LRRC74A: variants seen among roughly 807,000 people sequenced by gnomAD.
The protein encoded by LRRC74A is leucine rich repeat containing 74A.
LRRC74A carries 44 observed loss-of-function variants against 57.9 expected under a neutral mutation model. The observed-to-expected ratio is 0.76, with a 90% CI of 0.60 to 0.98. The LOEUF is 0.98. Among genes scored for constraint, LRRC74A ranks in the 50% least tolerant of loss-of-function variants. The pLI, the probability that LRRC74A is intolerant of heterozygous loss-of-function variation, is 0.00. For synonymous variants in LRRC74A, 211 were observed against 219.4 expected, an observed-to-expected ratio of 0.96 and a Z score of 0.34; for missense variants, 572 against 574.0, an observed-to-expected ratio of 1.00 and a Z score of 0.04.
In LRRC74A at chr14:76,844,885, C is replaced by T. The variant is rs1897017990; in HGVS notation, c.660C>T (p.His220=). ...AATTCTCTGATGTAGGAGGGGAGCA[C>T]CTGGGCCAGATGCTGGGTGAGTCTC... ...HNQFSDVGGE[H]LGQMLAINVG... Residue 220 remains histidine, a synonymous_variant, in exon 7 of 14, where the codon CAC becomes CAT. Transcript: ENST00000689127. The T allele has an allele frequency of 2.5e-6, 4 of 1,579,284 alleles. No individual in the cohort carries two copies. The highest frequency in any genetic ancestry group is 1.3e-5 in the African/African-American group (1 of 74,082).
At chr14:76,860,216 T>A (rs2140306424) in intron 10 of LRRC74A, among the ~76,000 whole-genome samples, 1 of 152,226 alleles carries the variant, frequency 6.6e-6, no homozygotes, top group African/African-American at 2.4e-5. Context: ...CAGGACACAT[T>A]TTCTCCCATG....
chr14:76,852,471 G>A (rs765259880), intron 8 of LRRC74A, 21 bp downstream of exon 8: 14 of 1,553,396 alleles, frequency 9.0e-6, no homozygotes, highest in Non-Finnish European at 1.2e-5. Context: ...CTCCAGGAGT[G>A]ATGTGTGGAG....
chr14:76,827,792 C>G (rs950425634), intron 1 of LRRC74A, among the ~76,000 whole-genome samples: 1 of 152,210 alleles, frequency 6.6e-6, no homozygotes, highest in African/African-American at 2.4e-5. Context: ...AGTTCTCTCT[C>G]TTGCTCTCTG....
At chr14:76,831,719 G>A (rs1227179510) in intron 3 of LRRC74A, among the ~76,000 whole-genome samples, 1 of 152,140 alleles carries the variant, frequency 6.6e-6, no homozygotes, top group South Asian at 2.1e-4. Context: ...CCAACAAAAT[G>A]CCAGCCTGGG....
In LRRC74A at chr14:76,853,267, G is replaced by T. The variant is rs1897636724; in HGVS notation, c.814G>T (p.Glu272Ter). Residue 272 changes from glutamate (E) to a stop codon, truncating the protein, a stop_gained, in exon 9 of 14, where the codon GAG becomes TAG. Transcript: ENST00000689127. LOFTEE classifies it high-confidence loss of function. ...TCTCTCCATGAATGGCTTTGGGAAT[G>T]AGGTGGCTCTGGCCCTAGGGGAAGT... is the stretch of plus-strand genomic sequence containing the variant. ...LDLSMNGFGN[E>*]VALALGEVLR... The T allele has an allele frequency of 1.2e-6, 2 of 1,613,588 alleles. No individual in the cohort carries two copies. Among genetic ancestry groups the T allele is most frequent in the South Asian group, 1.1e-5 (1 of 91,072 alleles).
chr14:76,835,634 C>T (rs1234376670), intron 3 of LRRC74A, among the ~76,000 whole-genome samples: 1 of 152,100 alleles, frequency 6.6e-6, no homozygotes, highest in African/African-American at 2.4e-5. Context: ...CCTGTAATTC[C>T]AGCAACTTGG....
intron 5 of LRRC74A, 81 bp downstream of exon 5, chr14:76,838,052 A>C: frequency 3.3e-5 from 30 of 919,624 alleles, no homozygotes; most frequent in Non-Finnish European, 4.6e-5. Context: ...TCAATGTCTC[A>C]TTGAACCAGA....
At position 76,853,357 on chromosome 14, in the gene LRRC74A, GC is replaced by G; in HGVS notation, c.906del (p.Ser303ProfsTer16). 6.2e-7 allele frequency: 1 copy of G among 1,612,934 alleles called. No individual in the cohort carries two copies. Among genetic ancestry groups the G allele is most frequent in the South Asian group, 1.1e-5 (1 of 90,952 alleles). ...IGGNDIGNEG[A>X]SKISKGLESN... is the part of the protein sequence containing the mutation. Reference sequence around the variant, plus strand: ...TGGCAATGACATCGGCAATGAAGGGGCCTCCAAAATCAGCAAAGGACTGGAA... The same window carrying G: ...TGGCAATGACATCGGCAATGAAGGGGCTCCAAAATCAGCAAAGGACTGGAA... On this transcript the variant is annotated frameshift_variant, in exon 9 of 14. Transcript: ENST00000689127. LOFTEE classifies it high-confidence loss of function.
rs1243811463 is a variant in LRRC74A at position 76,857,410 on chromosome 14, G to C, written c.988G>C (p.Ala330Pro). 6.3e-7 allele frequency: 1 copy of C among 1,584,554 alleles called. No homozygotes were observed. The highest frequency in any genetic ancestry group is 1.3e-5 in the African/African-American group (1 of 74,632). Reference protein sequence around the residue: ...LFLNPINMDGAILLILAIKRN... With the variant: ...LFLNPINMDGPILLILAIKRN... The stretch of plus-strand genomic sequence containing the variant: ...CCTGAATCCCATAAATATGGATGGG[G>C]CTATTTTACTTATCCTGGCTATCAA... Residue 330 changes from alanine to proline, a missense_variant, in exon 10 of 14, where the codon GCT (alanine) becomes CCT (proline). Coordinates refer to ENST00000689127, the MANE Select transcript of LRRC74A (RefSeq NM_001385106.1).
intron 9 of LRRC74A, among the ~76,000 whole-genome samples, chr14:76,856,819 CATGGATGGATGAGAG>C (rs1897925391): frequency 1.1e-5 from 1 of 89,136 alleles, no homozygotes; most frequent in African/African-American, 3.9e-5. Flanking sequence ...TGGATGGATG[CATGGATGGATGAGAG>C]GTGGATGGAT....
intron 2 of LRRC74A, among the ~76,000 whole-genome samples, chr14:76,830,636 G>A (rs905289572): frequency 6.6e-6 from 1 of 152,246 alleles, no homozygotes. Flanking sequence ...TCTCGCTGAT[G>A]TGGAGGTCTT....
chr14:76,857,958 C>G (rs1309876931), intron 10 of LRRC74A, among the ~76,000 whole-genome samples: 1 of 152,118 alleles, frequency 6.6e-6, no homozygotes, highest in Non-Finnish European at 1.5e-5. Context: ...GAGGAAAGCC[C>G]CAGGAGGTGA....
rs1448812889 is a variant in LRRC74A, at chr14:76,826,754, C to T, written c.37+20C>T. On this transcript the variant is annotated intron_variant, in intron 1 of 13. Transcript: ENST00000689127. ...CAGAAGGTGAAAGGGCATCCCATCT[C>T]TCACCACTCAGGCCCGTCCCTGCTG... is the stretch of plus-strand genomic sequence containing the variant. 18 of 1,467,714 alleles carry T rather than the reference C, an allele frequency of 1.2e-5. No homozygotes were observed. The highest frequency in any genetic ancestry group is 1.6e-5 in the Non-Finnish European group (18 of 1,097,186). 90.9% of individuals were successfully genotyped at this position (1,467,714 alleles called of 1,614,324 possible).
chr14:76,838,068 T>C, intron 5 of LRRC74A, 97 bp downstream of exon 5: 1 of 808,666 alleles, frequency 1.2e-6, no homozygotes, highest in Non-Finnish European at 2.0e-6. Context: ...CCAGACCATG[T>C]CCTTCTAGTC....
chr14:76,852,355 C>T lies in LRRC74A; in HGVS notation c.677-10C>T, dbSNP rs759946966. 2.5e-6 allele frequency: 4 copies of T among 1,600,134 alleles called. No individual in the cohort carries two copies. In the East Asian group the frequency reaches 6.7e-5, roughly 27 times the overall value. ...TGGGAGATGCTAAGCCGATTCCCTCCCTGTTTCAGCCATCAACGTGGGGCT... is the reference window on the plus strand; with the variant it reads ...TGGGAGATGCTAAGCCGATTCCCTCTCTGTTTCAGCCATCAACGTGGGGCT... On this transcript the variant is annotated splice_polypyrimidine_tract_variant and intron_variant, in intron 7 of 13. Transcript: ENST00000689127.
At chr14:76,860,056 TAGA>T in intron 10 of LRRC74A, among the ~76,000 whole-genome samples, 1 of 152,298 alleles carries the variant, frequency 6.6e-6, no homozygotes, top group Middle Eastern at 3.4e-3. Flanking sequence ...TAGATGCTCC[TAGA>T]ACTTTCTCTA....
chr14:76,864,097 G>A (rs1041303787), intron 11 of LRRC74A, among the ~76,000 whole-genome samples: 7 of 152,232 alleles, frequency 4.6e-5, no homozygotes, highest in Non-Finnish European at 8.8e-5. Flanking sequence ...TGGGTGCCGA[G>A]GGCTCACCCA....
chr14:76,838,674 C>T (rs1896540133), intron 5 of LRRC74A, among the ~76,000 whole-genome samples: 1 of 152,200 alleles, frequency 6.6e-6, no homozygotes, highest in African/African-American at 2.4e-5. Flanking sequence ...AAAAAAGAAT[C>T]CACACTTGAT....
intron 11 of LRRC74A, among the ~76,000 whole-genome samples, chr14:76,864,415 GGGGGGGGGTGGCGGGGGGAA>G (rs1203493648): frequency 1.9e-4 from 24 of 127,018 alleles, no homozygotes; most frequent in Admixed American, 2.3e-4. Flanking sequence ...GAGGAAGGGG[GGGGGGGGGTGGCGGGGGGAA>G]GGGGGGTGGC....
Sources: allele counts gnomAD v4.1 joint callset (sites outside exome capture counted in the v4.1 genomes callset), GRCh38; gene constraint gnomAD v4.1.1; transcripts MANE v1.5; gene names NCBI Gene and HGNC (gene_info 2026-07-23, HGNC 2026-07-21).